ZNF385D: variants seen among roughly 807,000 people sequenced by gnomAD.
ZNF385D encodes zinc finger protein 385D.
A neutral mutation model predicts 35.8 loss-of-function variants in ZNF385D; 15 were observed. The observed-to-expected ratio is 0.42, with a 90% confidence interval of 0.28 to 0.64. The LOEUF is 0.64. Ranked by LOEUF, ZNF385D falls within the 30% of genes least tolerant of loss-of-function variation. The pLI, the probability that ZNF385D is intolerant of heterozygous loss-of-function variation, is 0.23. For synonymous variants in ZNF385D, 212 were observed against 186.8 expected (o/e 1.13, Z -1.10); for missense variants, 474 against 494.6 (o/e 0.96, Z 0.39).
At chr3:21,451,754 C>T (rs1240628533) in intron 4 of ZNF385D, among the ~76,000 whole-genome samples, 2 of 152,066 alleles carry the variant, frequency 1.3e-5, no homozygotes, top group African/African-American at 4.8e-5. Context: ...CTGTTTTTAT[C>T]CTCAGTATAG....
At chr3:22,214,485 C>A (rs765844492) in intron 2 of ZNF385D, among the ~76,000 whole-genome samples, 2 of 152,034 alleles carry the variant, frequency 1.3e-5, no homozygotes, top group Non-Finnish European at 2.9e-5. Context: ...CTGAGCCAGG[C>A]GGAACAGAGC....
Position 21,751,085 on chromosome 3 carries a change from T to C in ZNF385D, c.-169A>G. The C allele has an allele frequency of 2.0e-6, 3 of 1,499,796 alleles. No homozygotes were observed. Among genetic ancestry groups the C allele is most frequent in the Non-Finnish European group, 2.7e-6 (3 of 1,122,886 alleles). 92.9% of individuals were successfully genotyped at this position (1,499,796 alleles called of 1,614,324 possible). On this transcript the variant is annotated 5_prime_UTR_variant, in exon 1 of 8. Transcript: ENST00000281523. The stretch of plus-strand genomic sequence containing the variant: ...TCCGCGGGATGAGCGCCTTGCAGGC[T>C]GCCTTTCCAGGGCTAAGATCCCCGG...
intron 1 of ZNF385D, among the ~76,000 whole-genome samples, chr3:21,737,425 G>A (rs939682714): frequency 6.6e-6 from 1 of 151,576 alleles, no homozygotes; most frequent in African/African-American, 2.4e-5. Flanking sequence ...AAGGTACACA[G>A]GTTACTTCCA....
At chr3:21,849,605 CTTTTTTTTTT>C (rs3073866) in intron 3 of ZNF385D, 1 of 108,174 alleles carries the variant, frequency 9.2e-6, no homozygotes, top group African/African-American at 3.4e-5. Context: ...AAACCCATTT[CTTTTTTTTTT>C]TTTTTTTTTT....
intron 2 of ZNF385D, among the ~76,000 whole-genome samples, chr3:21,652,866 A>G (rs1472630709): frequency 6.6e-6 from 1 of 152,208 alleles, no homozygotes. Context: ...ACTAAATAAC[A>G]ATGTTGATCA....
At chr3:22,264,201 T>C (rs774327376) in intron 2 of ZNF385D, among the ~76,000 whole-genome samples, 4 of 151,982 alleles carry the variant, frequency 2.6e-5, no homozygotes, top group Non-Finnish European at 4.4e-5. Flanking sequence ...ATTCAGTAAG[T>C]ATGTGACAAA....
At chr3:21,877,205 A>G (rs1698026115) in intron 3 of ZNF385D, among the ~76,000 whole-genome samples, 1 of 152,096 alleles carries the variant, frequency 6.6e-6, no homozygotes, top group Non-Finnish European at 1.5e-5. Context: ...TTCTGTTTGC[A>G]TAGGAATGGG....
At chr3:21,894,729 A>G (rs973676449) in intron 3 of ZNF385D, among the ~76,000 whole-genome samples, 4 of 152,200 alleles carry the variant, frequency 2.6e-5, no homozygotes, top group Admixed American at 2.6e-4. Context: ...ATATTTAAGT[A>G]ATGATCAGCA....
rs541016350 is a variant in ZNF385D, at chr3:22,121,280, G to C, written c.325+47537C>G. On this transcript the variant is annotated intron_variant, in intron 3 of 5. Coordinates refer to the ZNF385D transcript ENST00000494108. ...AGACAAATAGATCAATAGTCCTCCT[G>C]CAAGCGCTTACAGCAGGGAGAGAAA... Among the ~76,000 whole-genome samples the C allele has an allele frequency of 2.6e-5, 4 of 152,252 alleles. No homozygotes were observed. In the East Asian group the frequency reaches 7.7e-4, roughly 29 times the overall value.
At chr3:21,663,497 G>A (rs369060724) in intron 2 of ZNF385D, among the ~76,000 whole-genome samples, 2 of 152,096 alleles carry the variant, frequency 1.3e-5, no homozygotes, top group African/African-American at 4.8e-5. Flanking sequence ...ACAAGGCTGT[G>A]CCAGGAAACC....
intron 2 of ZNF385D, among the ~76,000 whole-genome samples, chr3:21,653,865 G>A (rs1344585927): frequency 3.3e-5 from 5 of 151,974 alleles, no homozygotes; most frequent in African/African-American, 1.2e-4. Context: ...GAAAACGCTG[G>A]TTATCTGTCT....
intron 2 of ZNF385D, among the ~76,000 whole-genome samples, chr3:21,566,851 T>G (rs1336836538): frequency 1.3e-5 from 2 of 152,156 alleles, no homozygotes; most frequent in East Asian, 1.9e-4. Flanking sequence ...ATTCTCTGCC[T>G]CCTCCTCCCA....
At chr3:22,019,486 T>C (rs1366846952) in intron 3 of ZNF385D, among the ~76,000 whole-genome samples, 4 of 151,976 alleles carry the variant, frequency 2.6e-5, no homozygotes, top group African/African-American at 9.7e-5. Flanking sequence ...AAGATACTAA[T>C]TGAATTTGTG....
chr3:21,752,159 G>C (rs766042071), upstream of ZNF385D, among the ~76,000 whole-genome samples: 1 of 151,980 alleles, frequency 6.6e-6, no homozygotes, highest in African/African-American at 2.4e-5. Flanking sequence ...ATATTAGAAA[G>C]AAATCCCTGA....
chr3:21,897,573 G>C lies in ZNF385D; in HGVS notation c.326-232545C>G, dbSNP rs141933327. ...GTGGCTAACTCTCATTTATTTTCTA[G>C]GTTTCAGACGATTAAGATGAGACAG... On this transcript the variant is annotated intron_variant, in intron 3 of 5. Coordinates refer to the ZNF385D transcript ENST00000494108. Among the ~76,000 whole-genome samples the C allele has an allele frequency of 3.3e-3, 501 of 152,022 alleles. 5 individuals are homozygous for C. Among genetic ancestry groups the C allele is most frequent in the African/African-American group, 0.011 (474 of 41,448 alleles).
At chr3:22,069,868 G>T (rs1003234549) in intron 3 of ZNF385D, among the ~76,000 whole-genome samples, 5 of 152,132 alleles carry the variant, frequency 3.3e-5, no homozygotes, top group African/African-American at 4.8e-5. Context: ...ACCTTCCTTT[G>T]CTCTATGTCT....
intron 2 of ZNF385D, among the ~76,000 whole-genome samples, chr3:22,235,142 A>C (rs1699105669): frequency 6.6e-6 from 1 of 152,034 alleles, no homozygotes; most frequent in Admixed American, 6.6e-5. Flanking sequence ...TGTGTGCAGC[A>C]AAGAATTTAA....
intron 3 of ZNF385D, among the ~76,000 whole-genome samples, chr3:22,066,364 G>C (rs547172191): frequency 1.3e-5 from 2 of 149,448 alleles, no homozygotes; most frequent in African/African-American, 2.5e-5. Context: ...ATGGTTCCCT[G>C]TGTGTGTGTG....
chr3:21,960,057 A>C (rs1412389432), intron 3 of ZNF385D, among the ~76,000 whole-genome samples: 1 of 151,920 alleles, frequency 6.6e-6, no homozygotes, highest in African/African-American at 2.4e-5. Context: ...GGACTATTTT[A>C]AGCCAAAAAT....
Sources: allele counts gnomAD v4.1 joint callset (sites outside exome capture counted in the v4.1 genomes callset), GRCh38; gene constraint gnomAD v4.1.1; transcripts MANE v1.5; gene names NCBI Gene and HGNC (gene_info 2026-07-23, HGNC 2026-07-21).